The following PPHLN1 variants were observed in gnomAD, a reference collection of about 807,000 sequenced individuals.
PPHLN1 encodes the protein periphilin-1.
Under a neutral mutation model 51.3 loss-of-function variants are expected in PPHLN1, and 29 were observed. That is an observed-to-expected ratio of 0.57 (90% CI 0.42 to 0.77). The LOEUF (loss-of-function observed/expected upper bound fraction) is 0.77, where lower values mean the gene tolerates loss of function less well. PPHLN1 is among the 30% of genes least tolerant of loss of function. PPHLN1 has a pLI of 0.00. For synonymous variants in PPHLN1, 147 were observed against 147.8 expected, an observed-to-expected ratio of 0.99 and a Z score of 0.04; for missense variants, 436 against 438.4, an observed-to-expected ratio of 0.99 and a Z score of 0.05.
At chr12:42,347,895 C>G (rs1395419620) in intron 2 of PPHLN1, among the ~76,000 whole-genome samples, 1 of 152,122 alleles carries the variant, frequency 6.6e-6, no homozygotes, top group Non-Finnish European at 1.5e-5. Context: ...AAATACAGTC[C>G]TCTTTGCTAC....
At chr12:42,375,567 C>T (rs2076197940) in intron 5 of PPHLN1, among the ~76,000 whole-genome samples, 1 of 152,164 alleles carries the variant, frequency 6.6e-6, no homozygotes. Context: ...ACCTCTGCCT[C>T]CCAAAGTGGT....
intron 7 of PPHLN1, among the ~76,000 whole-genome samples, chr12:42,392,539 T>C (rs182658771): frequency 2.3e-4 from 35 of 152,272 alleles, no homozygotes; most frequent in Admixed American, 2.2e-3. Context: ...CAACTAAGCA[T>C]GGCAGGGCAA....
chr12:42,391,788 T>C (rs2077740657), intron 7 of PPHLN1, among the ~76,000 whole-genome samples: 1 of 152,212 alleles, frequency 6.6e-6, no homozygotes, highest in Admixed American at 6.5e-5. Flanking sequence ...ATGAGCTGTT[T>C]AAGCTTCCTC....
At chr12:42,337,483 A>G (rs1229462133) in intron 2 of PPHLN1, among the ~76,000 whole-genome samples, 1 of 151,536 alleles carries the variant, frequency 6.6e-6, no homozygotes, top group Non-Finnish European at 1.5e-5. Flanking sequence ...TTTAGTAGAG[A>G]TGGGGTTTCA....
intron 6 of PPHLN1, among the ~76,000 whole-genome samples, chr12:42,386,135 C>G (rs1441194858): frequency 6.6e-6 from 1 of 152,210 alleles, no homozygotes. Flanking sequence ...CAGGAGTCCT[C>G]AACCTCTGCA....
intron 1 of PPHLN1, among the ~76,000 whole-genome samples, chr12:42,332,067 G>A (rs1408896694): frequency 1.3e-5 from 2 of 152,150 alleles, no homozygotes; most frequent in Non-Finnish European, 2.9e-5. Context: ...TTAGCCAGGT[G>A]TGGTGGTATG....
intron 9 of PPHLN1, among the ~76,000 whole-genome samples, chr12:42,430,511 GT>G (rs1047071174): frequency 6.6e-6 from 1 of 151,510 alleles, no homozygotes; most frequent in Admixed American, 6.6e-5. Context: ...GTTTTGTTTT[GT>G]TTTTTTGAGA....
chr12:42,441,599 G>T lies in PPHLN1; in HGVS notation c.*90G>T. On this transcript the variant is annotated 3_prime_UTR_variant, in exon 10 of 10. Transcript: ENST00000358314. The stretch of plus-strand genomic sequence containing the variant: ...TAAATCCTTAATATATGGAATTTTT[G>T]TGATGCAGAGAAATACTTTATGATA... 7.3e-7 allele frequency: 1 copy of T among 1,367,454 alleles called. No individual in the cohort carries two copies. Among genetic ancestry groups the T allele is most frequent in the Non-Finnish European group, 9.5e-7 (1 of 1,054,246 alleles). The allele number at this position is 1,367,454 out of a possible 1,614,324, so 84.7% of individuals were successfully genotyped here.
chr12:42,433,038 C>T (rs2082177516), intron 9 of PPHLN1: 1 of 946,802 alleles, frequency 1.1e-6, no homozygotes, highest in African/African-American at 1.6e-5. Flanking sequence ...TCAGGAAAAT[C>T]CACTGTGCAT....
intron 9 of PPHLN1, 149 bp from the exon 10 acceptor site, chr12:42,441,166 T>C: frequency 3.6e-6 from 4 of 1,111,126 alleles, no homozygotes; most frequent in Non-Finnish European, 4.9e-6. Flanking sequence ...CCTCTGGTAA[T>C]AGTGACAATG....
chr12:42,363,941 C>T (rs117307938), intron 4 of PPHLN1, among the ~76,000 whole-genome samples: 2,282 of 152,100 alleles, frequency 0.015, 22 homozygotes, highest in Non-Finnish European at 0.023. Context: ...TAAACCTTAG[C>T]GGTCGGGCTC....
At chr12:42,389,388 T>C (rs967004476) in intron 7 of PPHLN1, among the ~76,000 whole-genome samples, 9 of 92,640 alleles carry the variant, frequency 9.7e-5, no homozygotes, top group South Asian at 3.5e-4. Context: ...AAAACAAAAA[T>C]AAACAAACAA....
At chr12:42,440,312 A>T (rs575385677) in intron 9 of PPHLN1, among the ~76,000 whole-genome samples, 27 of 152,182 alleles carry the variant, frequency 1.8e-4, no homozygotes, top group Middle Eastern at 3.4e-3. Context: ...CAATTAATTG[A>T]CTTTTGTATA....
downstream of PPHLN1, chr12:42,446,688 A>T: frequency 6.4e-7 from 1 of 1,559,400 alleles, no homozygotes; most frequent in Non-Finnish European, 8.7e-7. Flanking sequence ...GATGCAAAAA[A>T]CAGAAAAGGG....
intron 9 of PPHLN1, among the ~76,000 whole-genome samples, chr12:42,424,203 A>T (rs146255290): frequency 3.3e-5 from 5 of 152,328 alleles, no homozygotes; most frequent in African/African-American, 1.2e-4. Flanking sequence ...TCCATGAAGC[A>T]GGCTATCATG....
intron 4 of PPHLN1, among the ~76,000 whole-genome samples, chr12:42,371,536 G>A (rs1247568731): frequency 2.0e-5 from 3 of 152,074 alleles, no homozygotes; most frequent in Admixed American, 1.3e-4. Flanking sequence ...AGGTCTTACT[G>A]TTCTAACTAC....
intron 8 of PPHLN1, 82 bp downstream of exon 8, chr12:42,393,771 A>T: frequency 7.3e-7 from 1 of 1,364,168 alleles, no homozygotes; most frequent in Non-Finnish European, 9.9e-7. Flanking sequence ...TATTTGGTTT[A>T]TTCCTATACT....
rs1433882659 is a variant in PPHLN1 at position 42,352,024 on chromosome 12, G to A, written c.212G>A (p.Arg71Gln). Residue 71 changes from arginine (R) to glutamine (Q), a missense_variant, in exon 3 of 10, where the codon CGA (arginine) becomes CAA (glutamine). By Grantham distance (43) the Arg-to-Gln change is conservative. Transcript: ENST00000358314. Reference sequence around the variant, plus strand: ...GAGGGCCGCAGTTTTTCTCATGATCGAAGAAGTGGTCCACCTCACAGAGGA... The same window carrying A: ...GAGGGCCGCAGTTTTTCTCATGATCAAAGAAGTGGTCCACCTCACAGAGGA... ...YDEGRSFSHD[R>Q]RSGPPHRGDE... is the part of the protein sequence containing the mutation. 2.0e-6 allele frequency: 3 copies of A among 1,538,020 alleles called. No homozygotes were observed. The highest frequency in any genetic ancestry group is 1.4e-5 in the African/African-American group (1 of 70,540).
At chr12:42,364,927 AC>A (rs1375310795) in intron 4 of PPHLN1, among the ~76,000 whole-genome samples, 12 of 152,304 alleles carry the variant, frequency 7.9e-5, no homozygotes, top group African/African-American at 2.9e-4. Flanking sequence ...AAAAAAACAA[AC>A]AAAGTTCTAG....
Sources: gnomAD v4.1 joint callset for allele counts (sites outside exome capture counted in the v4.1 genomes callset) on GRCh38, gnomAD v4.1.1 for gene constraint, MANE v1.5 for transcripts, NCBI Gene and HGNC (gene_info 2026-07-23, HGNC 2026-07-21) for gene names.